The following EME1 variants were observed in gnomAD, a reference collection of about 807,000 sequenced individuals.
EME1 encodes structure-specific endonuclease subunit EME1.
A neutral mutation model predicts 59.1 loss-of-function variants in EME1; 61 were observed. The ratio of observed to expected loss-of-function variants is 1.03; its 90% confidence interval spans 0.84 to 1.28. The LOEUF (loss-of-function observed/expected upper bound fraction) is 1.28. Among genes scored for constraint, EME1 ranks in the 50% most tolerant of loss-of-function variants. The pLI, the probability that EME1 is intolerant of heterozygous loss-of-function variation, is 0.00. For synonymous variants in EME1, 230 were observed against 254.2 expected (o/e 0.90, Z 0.90); for missense variants, 635 against 682.6 (o/e 0.93, Z 0.78).
chr17:50,376,768 G>A (rs1367659002), intron 3 of EME1, among the ~76,000 whole-genome samples: 2 of 152,234 alleles, frequency 1.3e-5, no homozygotes, highest in South Asian at 2.1e-4. Context: ...AACCCTAGGT[G>A]ACCCCACTGG....
Position 50,375,939 on chromosome 17 carries a change from G to C in EME1, c.731G>C (p.Arg244Thr). ...CTGGTTACCAGGATGAAAGCCCAGA[G>C]GCCAGAGGAATGCTTAAAACACATC... ...AALVTRMKAQ[R>T]PEECLKHIIV... is the part of the protein sequence containing the mutation. Residue 244 changes from arginine to threonine, a missense_variant, in exon 2 of 9, where the codon AGG (arginine) becomes ACG (threonine). Coordinates refer to ENST00000338165, the MANE Select transcript of EME1 (RefSeq NM_152463.4). 1 of 1,611,324 alleles carries C rather than the reference G, an allele frequency of 6.2e-7. No individual in the cohort carries two copies. Among genetic ancestry groups the C allele is most frequent in the Non-Finnish European group, 8.5e-7 (1 of 1,178,616 alleles).
chr17:50,377,575 C>T (rs956056623), intron 3 of EME1, among the ~76,000 whole-genome samples: 8 of 152,112 alleles, frequency 5.3e-5, no homozygotes, highest in Non-Finnish European at 1.2e-4. Flanking sequence ...TGAAGTTTCC[C>T]TTGTGATTCT....
chr17:50,381,142 A>G lies in EME1; in HGVS notation c.*203A>G. The G allele has an allele frequency of 1.6e-6, 1 of 614,698 alleles. No homozygotes were observed. Among genetic ancestry groups the G allele is most frequent in the East Asian group, 2.8e-5 (1 of 35,102 alleles). The allele number at this position is 614,698 out of a possible 1,614,324, so 38.1% of individuals were successfully genotyped here. On this transcript the variant is annotated 3_prime_UTR_variant, in exon 9 of 9. Transcript: ENST00000338165. ...TGAAATACTGCCACCTACCTTTGGC[A>G]TTTAATGTTCCTCTCCTGGCAAAAA...
chr17:50,376,345 G>C, intron 3 of EME1, 152 bp downstream of exon 3: 1 of 1,284,322 alleles, frequency 7.8e-7, no homozygotes, highest in Non-Finnish European at 1.1e-6. Context: ...TTGAATAAAG[G>C]GACTGTTTGC....
chr17:50,381,048 G>A lies in EME1; in HGVS notation c.*109G>A, dbSNP rs1913810237. 2.5e-6 allele frequency: 3 copies of A among 1,209,864 alleles called. No individual in the cohort carries two copies. Among genetic ancestry groups the A allele is most frequent in the Admixed American group, 2.2e-5 (1 of 46,310 alleles). 74.9% of individuals were successfully genotyped at this position (1,209,864 alleles called of 1,614,324 possible). On this transcript the variant is annotated 3_prime_UTR_variant, in exon 9 of 9. Transcript: ENST00000338165. Reference sequence around the variant, plus strand: ...AGCACCTCCTGGAACACAAGCCTAGGTGAGGCCCAGTCTTTCTTGGGTCTT... The same window carrying A: ...AGCACCTCCTGGAACACAAGCCTAGATGAGGCCCAGTCTTTCTTGGGTCTT...
Position 50,381,119 on chromosome 17 carries a change from A to C in EME1, c.*180A>C. 3.0e-6 allele frequency: 2 copies of C among 670,158 alleles called. No homozygotes were observed. The highest frequency in any genetic ancestry group is 4.9e-6 in the Non-Finnish European group (2 of 406,676). The allele number at this position is 670,158 out of a possible 1,614,324, so 41.5% of individuals were successfully genotyped here. A position where few individuals can be genotyped will look rare whatever the true frequency, so the allele number is the denominator to read the frequency against. ...TGCCTGTCGGCTGGGGCAGAGACTG[A>C]AATACTGCCACCTACCTTTGGCATT... is the stretch of plus-strand genomic sequence containing the variant. On this transcript the variant is annotated 3_prime_UTR_variant, in exon 9 of 9. Transcript: ENST00000338165.
rs753022257 is a variant in EME1 at position 50,378,756 on chromosome 17, T to C, written c.991-18T>C. On this transcript the variant is annotated intron_variant, in intron 4 of 8. Coordinates refer to ENST00000338165, the MANE Select transcript of EME1 (RefSeq NM_152463.4). ...ACTAGGAAGCAAGTATTAATGCAGT[T>C]TCTGCCCCTTCATGCAGGGAAGCCT... 1 of 1,614,170 alleles carries C rather than the reference T, an allele frequency of 6.2e-7. No individual in the cohort carries two copies. Among genetic ancestry groups the C allele is most frequent in the Non-Finnish European group, 8.5e-7 (1 of 1,180,044 alleles).
At chr17:50,373,405 G>A (rs1177229402) in intron 1 of EME1, 128 bp downstream of exon 1, 4 of 595,556 alleles carry the variant, frequency 6.7e-6, no homozygotes, top group Non-Finnish European at 1.2e-5. Context: ...GAGGCGCAGA[G>A]CTTGTCGGGC....
At chr17:50,379,672 A>G in intron 7 of EME1, 105 bp downstream of exon 7, 2 of 977,034 alleles carry the variant, frequency 2.0e-6, no homozygotes, top group Non-Finnish European at 3.1e-6. Flanking sequence ...CAGTCAGCCC[A>G]TTGTCTCTCA....
At chr17:50,377,640 T>C (rs143820732) in intron 3 of EME1, among the ~76,000 whole-genome samples, 6 of 152,340 alleles carry the variant, frequency 3.9e-5, no homozygotes, top group African/African-American at 1.2e-4. Flanking sequence ...GCTCACAGCA[T>C]CTGCCTTCAA....
chr17:50,379,662 C>A, intron 7 of EME1, 95 bp downstream of exon 7: 1 of 1,053,212 alleles, frequency 9.5e-7, no homozygotes, highest in Non-Finnish European at 1.4e-6. Context: ...CTCATCTCTG[C>A]AGTCAGCCCA....
chr17:50,375,820 G>T lies in EME1; in HGVS notation c.612G>T (p.Lys204Asn), dbSNP rs557847995. The stretch of plus-strand genomic sequence containing the variant: ...AGAAGAAAACCAAGCCGAGTCAGAA[G>T]GTCCAGGGAAGAGGCTCACACGGAT... The part of the protein sequence containing the change: ...PPQKKTKPSQ[K>N]VQGRGSHGCR... The change falls in exon 2 of 9, where the codon AAG becomes AAT. Residue 204 changes from lysine (K) to asparagine (N), a missense_variant. Transcript: ENST00000338165. The T allele has an allele frequency of 5.0e-6, 8 of 1,614,036 alleles. No individual in the cohort carries two copies. Among genetic ancestry groups the T allele is most frequent in the African/African-American group, 1.3e-5 (1 of 74,900 alleles).
At chr17:50,377,559 A>G (rs760837076) in intron 3 of EME1, among the ~76,000 whole-genome samples, 2 of 152,144 alleles carry the variant, frequency 1.3e-5, no homozygotes, top group Admixed American at 6.5e-5. Flanking sequence ...AGGTACTCTC[A>G]TAGACTGAAG....
At chr17:50,378,198 C>A (rs1913572831) in intron 3 of EME1, among the ~76,000 whole-genome samples, 1 of 151,874 alleles carries the variant, frequency 6.6e-6, no homozygotes, top group Non-Finnish European at 1.5e-5. Flanking sequence ...TCCCGAGTAG[C>A]TGGGATTACA....
chr17:50,378,930 G>A lies in EME1; in HGVS notation c.1112+35G>A. 2 of 1,614,056 alleles carry A rather than the reference G, an allele frequency of 1.2e-6. 1 individual carries two copies. Among genetic ancestry groups the A allele is most frequent in the South Asian group, 2.2e-5 (2 of 91,058 alleles). ...TGCCCTGGTGATTTCATGTTAAAAG[G>A]GGCAGCTCTTGGGCCAAGGGGGGTG... On this transcript the variant is annotated intron_variant, in intron 5 of 8. Transcript: ENST00000338165.
chr17:50,375,201 A>C lies in EME1; in HGVS notation c.-8A>C, dbSNP rs776322631. 1 of 1,612,334 alleles carries C rather than the reference A, an allele frequency of 6.2e-7. No homozygotes were observed. On this transcript the variant is annotated 5_prime_UTR_variant, in exon 2 of 9. Transcript: ENST00000338165. ...TCCTTTTAGGGAATTATTTGATAGC[A>C]CATACTGATGGCTCTAAAGAAGTCA... is the stretch of plus-strand genomic sequence containing the variant.
chr17:50,374,162 GAAT>G (rs1451542939), intron 1 of EME1, among the ~76,000 whole-genome samples: 1 of 152,182 alleles, frequency 6.6e-6, no homozygotes, highest in African/African-American at 2.4e-5. Context: ...ACAACATTGT[GAAT>G]ATACTAAAAT....
At chr17:50,378,162 T>C (rs756805693) in intron 3 of EME1, among the ~76,000 whole-genome samples, 4 of 150,340 alleles carry the variant, frequency 2.7e-5, no homozygotes, top group Non-Finnish European at 5.9e-5. Context: ...CACCTCCCAG[T>C]TTCAAGCAAT....
Position 50,380,995 on chromosome 17 carries a change from A to C in EME1, c.*56A>C. The C allele has an allele frequency of 1.9e-6, 3 of 1,593,276 alleles. No individual in the cohort carries two copies. The highest frequency in any genetic ancestry group is 2.6e-6 in the Non-Finnish European group (3 of 1,164,146). On this transcript the variant is annotated 3_prime_UTR_variant, in exon 9 of 9. Coordinates refer to ENST00000338165, the MANE Select transcript of EME1 (RefSeq NM_152463.4). The stretch of plus-strand genomic sequence containing the variant: ...TGGAAACTTCCACTTCCCCAACCTC[A>C]GAGCCTGACTGTAATGAAGAGACTG...
Sources: gnomAD v4.1 joint callset for allele counts (sites outside exome capture counted in the v4.1 genomes callset) on GRCh38, gnomAD v4.1.1 for gene constraint, MANE v1.5 for transcripts, NCBI Gene and HGNC (gene_info 2026-07-23, HGNC 2026-07-21) for gene names.